AKT3: variants seen among roughly 807,000 people sequenced by gnomAD.
AKT3 encodes the protein AKT serine/threonine kinase 3, also known as RAC-gamma serine/threonine-protein kinase.
In AKT3, 15 loss-of-function variants were observed where a neutral mutation model predicts 65.3. That is an observed-to-expected ratio of 0.23 (90% CI 0.15 to 0.35). The LOEUF (loss-of-function observed/expected upper bound fraction) is 0.35, where lower values mean the gene tolerates loss of function less well. Among genes scored for constraint, AKT3 ranks in the 10% least tolerant of loss-of-function variants. The probability of loss-of-function intolerance (pLI) is 1.00; values close to 1 mark genes in which losing one functional copy is unlikely to be tolerated. For synonymous variants in AKT3, 206 were observed against 183.8 expected (o/e 1.12, Z -0.98); for missense variants, 243 against 576.5 (o/e 0.42, Z 5.92).
intron 5 of AKT3, among the ~76,000 whole-genome samples, chr1:243,642,307 TTTTG>T (rs765706936): frequency 7.2e-4 from 110 of 152,290 alleles, no homozygotes; most frequent in African/African-American, 1.7e-3. Flanking sequence ...AAGTCCTTTT[TTTTG>T]TTTGTTTGTT....
At chr1:243,718,562 G>A (rs573190716) in intron 2 of AKT3, among the ~76,000 whole-genome samples, 1 of 151,934 alleles carries the variant, frequency 6.6e-6, no homozygotes, top group East Asian at 1.9e-4. Flanking sequence ...TGATTCTCCT[G>A]CCTCAGCCTC....
At chr1:243,769,431 G>A (rs2148271778) in intron 2 of AKT3, among the ~76,000 whole-genome samples, 1 of 152,240 alleles carries the variant, frequency 6.6e-6, no homozygotes, top group East Asian at 1.9e-4. Flanking sequence ...AGCAGCGTAT[G>A]GGGATTCCAA....
intron 2 of AKT3, among the ~76,000 whole-genome samples, chr1:243,702,348 T>C (rs1339110244): frequency 6.6e-6 from 1 of 152,166 alleles, no homozygotes; most frequent in Non-Finnish European, 1.5e-5. Context: ...GAGCAAGGAC[T>C]CTGGAGTCAC....
intron 11 of AKT3, chr1:243,548,298 T>C (rs1672815723): frequency 6.6e-6 from 1 of 152,256 alleles, no homozygotes; most frequent in Non-Finnish European, 1.5e-5. Context: ...TGGAGAATCA[T>C]AATCATTTTG....
chr1:243,567,326 G>C (rs1204015120), intron 9 of AKT3, among the ~76,000 whole-genome samples: 14 of 152,002 alleles, frequency 9.2e-5, no homozygotes, highest in African/African-American at 3.1e-4. Flanking sequence ...TCTTATTTTT[G>C]AGACAGGGTC....
intron 11 of AKT3, among the ~76,000 whole-genome samples, chr1:243,551,502 G>A (rs1165524422): frequency 1.3e-5 from 2 of 151,860 alleles, no homozygotes; most frequent in Non-Finnish European, 2.9e-5. Flanking sequence ...AGAATACAAT[G>A]AAAACCATTT....
At chr1:243,660,810 C>T (rs1420159797) in intron 4 of AKT3, among the ~76,000 whole-genome samples, 4 of 152,262 alleles carry the variant, frequency 2.6e-5, no homozygotes, top group Non-Finnish European at 4.4e-5. Context: ...ATCTAGAAAA[C>T]CCCACTGTCT....
At chr1:243,730,234 C>G (rs1050200012) in intron 2 of AKT3, among the ~76,000 whole-genome samples, 2 of 152,310 alleles carry the variant, frequency 1.3e-5, no homozygotes, top group Non-Finnish European at 2.9e-5. Context: ...CCATAAAAAC[C>G]CCAGCTTCAG....
At chr1:243,785,235 A>AT (rs757049231) in intron 2 of AKT3, among the ~76,000 whole-genome samples, 6,957 of 138,888 alleles carry the variant, frequency 0.05, 505 homozygotes, top group African/African-American at 0.17. Flanking sequence ...TGCCCAGCTA[A>AT]TTTTTTTTTT....
At chr1:243,497,342 G>GGT (rs1668220997), downstream of AKT3, among the ~76,000 whole-genome samples, 1 of 148,906 alleles carries the variant, frequency 6.7e-6, no homozygotes, top group Non-Finnish European at 1.5e-5. Flanking sequence ...ACGGGTGGGG[G>GGT]GGGGGGCGTT....
intron 2 of AKT3, among the ~76,000 whole-genome samples, chr1:243,728,256 A>AAC (rs988436651): frequency 2.6e-5 from 4 of 152,046 alleles, no homozygotes; most frequent in South Asian, 4.1e-4. Flanking sequence ...ATTTTAATCA[A>AAC]ACACACACAC....
chr1:243,488,983 C>G, intron 13 of AKT3: 1 of 1,613,148 alleles, frequency 6.2e-7, no homozygotes, highest in African/African-American at 1.3e-5. Context: ...GACGTTATCC[C>G]TCTTTAATTC....
At chr1:243,616,030 TC>T (rs1373534858) in intron 6 of AKT3, among the ~76,000 whole-genome samples, 1 of 152,010 alleles carries the variant, frequency 6.6e-6, no homozygotes, top group Non-Finnish European at 1.5e-5. Context: ...TTGTTTTTTT[TC>T]CTTTGGTTGG....
At chr1:243,511,866 T>C (rs1456277483) in intron 13 of AKT3, among the ~76,000 whole-genome samples, 1 of 152,246 alleles carries the variant, frequency 6.6e-6, no homozygotes, top group Non-Finnish European at 1.5e-5. Flanking sequence ...CAGATAATAC[T>C]ATTTAAGAGA....
chr1:243,760,178 G>A (rs1017095188), intron 2 of AKT3, among the ~76,000 whole-genome samples: 1 of 152,036 alleles, frequency 6.6e-6, no homozygotes, highest in African/African-American at 2.4e-5. Context: ...GGAGTACGGT[G>A]GTGTGGCCTT....
At chr1:243,722,634 G>C (rs1315250202) in intron 2 of AKT3, among the ~76,000 whole-genome samples, 2 of 152,106 alleles carry the variant, frequency 1.3e-5, no homozygotes, top group African/African-American at 4.8e-5. Flanking sequence ...GAGAACCCTG[G>C]ATGAGAATGA....
chr1:243,717,489 CAT>C (rs904981556), intron 2 of AKT3, among the ~76,000 whole-genome samples: 8 of 152,272 alleles, frequency 5.3e-5, no homozygotes, highest in South Asian at 2.1e-4. Flanking sequence ...CTAGTTCCCA[CAT>C]GTCATTAGTT....
chr1:243,848,424 C>T (rs1695607940), intron 1 of AKT3, among the ~76,000 whole-genome samples: 1 of 152,010 alleles, frequency 6.6e-6, no homozygotes, highest in African/African-American at 2.4e-5. Context: ...TAGACAACCA[C>T]CCCCGGAATG....
intron 12 of AKT3, among the ~76,000 whole-genome samples, chr1:243,539,272 T>A (rs917660589): frequency 6.6e-6 from 1 of 152,132 alleles, no homozygotes; most frequent in African/African-American, 2.4e-5. Context: ...GGAAGACCTT[T>A]ACGATAATCC....
Sources: gnomAD v4.1 joint callset for allele counts (sites outside exome capture counted in the v4.1 genomes callset) on GRCh38, gnomAD v4.1.1 for gene constraint, MANE v1.5 for transcripts, NCBI Gene and HGNC (gene_info 2026-07-23, HGNC 2026-07-21) for gene names.